The following ARHGEF12 variants were observed in gnomAD, a reference collection of about 807,000 sequenced individuals.
ARHGEF12 encodes Rho guanine nucleotide exchange factor 12, also known as KMT2A/ARHGEF12 fusion protein.
In ARHGEF12, 66 loss-of-function variants were observed where a neutral mutation model predicts 211.2. That is an observed-to-expected ratio of 0.31 (90% CI 0.26 to 0.38). The LOEUF (loss-of-function observed/expected upper bound fraction) is 0.38. Ranked by LOEUF, ARHGEF12 falls within the 10% of genes least tolerant of loss-of-function variation. The pLI is 1.00. For missense variants in ARHGEF12, 1,429 were observed against 1,869.5 expected, an observed-to-expected ratio of 0.76 and a Z score of 4.34; for synonymous variants, 592 against 638.4, an observed-to-expected ratio of 0.93 and a Z score of 1.09.
chr11:120,428,056 TC>T lies in ARHGEF12; in HGVS notation c.407-9del. ...TTCCCTTCCCTTCCCTTTTTCCGTC[TC>T]CCCACCCCAAGCTGGTTCCTATGTA... On this transcript the variant is annotated splice_polypyrimidine_tract_variant and intron_variant, in intron 7 of 40. Transcript: ENST00000397843. 1 of 1,527,028 alleles carries T rather than the reference TC, an allele frequency of 6.5e-7. No homozygotes were observed. Among genetic ancestry groups the T allele is most frequent in the South Asian group, 1.3e-5 (1 of 75,178 alleles). 94.6% of individuals were successfully genotyped at this position (1,527,028 alleles called of 1,614,324 possible).
intron 34 of ARHGEF12, 158 bp from the exon 35 acceptor site, chr11:120,477,061 T>C (rs1484808780): frequency 1.5e-6 from 1 of 659,248 alleles, no homozygotes; most frequent in Non-Finnish European, 2.6e-6. Context: ...AAAATAAAGA[T>C]ATTCTCTGGC....
At chr11:120,426,164 A>G (rs1945340328) in intron 7 of ARHGEF12, among the ~76,000 whole-genome samples, 1 of 152,184 alleles carries the variant, frequency 6.6e-6, no homozygotes, top group Non-Finnish European at 1.5e-5. Context: ...TTTAATGAGA[A>G]TGTGATTTAT....
chr11:120,474,864 C>A (rs1412123006), intron 32 of ARHGEF12, among the ~76,000 whole-genome samples: 1 of 152,164 alleles, frequency 6.6e-6, no homozygotes, highest in Non-Finnish European at 1.5e-5. Flanking sequence ...CTATTTCCAT[C>A]ATTCTTATAG....
intron 6 of ARHGEF12, 74 bp from the exon 7 acceptor site, chr11:120,424,284 A>G: frequency 2.0e-6 from 2 of 1,010,204 alleles, no homozygotes; most frequent in East Asian, 2.4e-5. Context: ...ATTATGTATG[A>G]TAATTCTTGA....
intron 1 of ARHGEF12, among the ~76,000 whole-genome samples, chr11:120,382,247 C>T (rs143228828): frequency 1.6e-4 from 24 of 152,294 alleles, no homozygotes; most frequent in Middle Eastern, 6.8e-3. Flanking sequence ...GTTTAACTTT[C>T]GACTGCTTTT....
chr11:120,378,988 T>C lies in ARHGEF12; in HGVS notation c.33-27130T>C, dbSNP rs56789617. Reference sequence around the variant, plus strand: ...TTAGAGTCAGCATGTCAATTTCTATTTACAGAAAACAGGCTGAGATTTTGT... The same window carrying C: ...TTAGAGTCAGCATGTCAATTTCTATCTACAGAAAACAGGCTGAGATTTTGT... On this transcript the variant is annotated intron_variant, in intron 1 of 40. Transcript: ENST00000397843. 2.0e-3 allele frequency among the ~76,000 whole-genome samples: 305 copies of C among 152,266 alleles called. 1 individual carries two copies. The highest frequency in any genetic ancestry group is 6.9e-3 in the African/African-American group (285 of 41,574).
At chr11:120,351,447 ATATATATATTTTTTTTTTTT>A (rs1565420861) in intron 1 of ARHGEF12, among the ~76,000 whole-genome samples, 4 of 3,702 alleles carry the variant, frequency 1.1e-3, no homozygotes, top group Admixed American at 7.0e-3. Flanking sequence ...ATATATATAT[ATATATATATTTTTTTTTTTT>A]TTTTTTTTTT....
chr11:120,422,106 T>C (rs1408953760), intron 6 of ARHGEF12, among the ~76,000 whole-genome samples: 2 of 152,330 alleles, frequency 1.3e-5, no homozygotes, highest in African/African-American at 4.8e-5. Flanking sequence ...GTTGGAAAGA[T>C]CATTTCTGTC....
chr11:120,477,636 AGG>A (rs1187606421), intron 36 of ARHGEF12, 110 bp downstream of exon 36: 2 of 989,600 alleles, frequency 2.0e-6, no homozygotes, highest in Non-Finnish European at 3.0e-6. Flanking sequence ...AGGTCGAGAT[AGG>A]CGTATCACCT....
Position 120,337,151 on chromosome 11 carries a change from G to A in ARHGEF12, c.-93G>A. The A allele has an allele frequency of 6.7e-7, 1 of 1,491,006 alleles. No homozygotes were observed. Among genetic ancestry groups the A allele is most frequent in the Non-Finnish European group, 9.4e-7 (1 of 1,068,578 alleles). 92.4% of individuals were successfully genotyped at this position (1,491,006 alleles called of 1,614,324 possible). A position where few individuals can be genotyped will look rare whatever the true frequency, so the allele number is the denominator to read the frequency against. ...GTTGGACTTTTGTGTCCCTGACGGA[G>A]TTGGGCCTGATCCCAGAGCACTGGG... On this transcript the variant is annotated 5_prime_UTR_variant, in exon 1 of 41. Transcript: ENST00000397843.
intron 2 of ARHGEF12, 102 bp downstream of exon 2, chr11:120,406,243 G>T: frequency 2.8e-6 from 2 of 702,926 alleles, no homozygotes; most frequent in Non-Finnish European, 2.2e-6. Flanking sequence ...TTGAGAATGT[G>T]TATTCAAGTA....
intron 1 of ARHGEF12, among the ~76,000 whole-genome samples, chr11:120,379,990 A>G (rs12420378): frequency 0.46 from 70,117 of 151,924 alleles, 17,070 homozygotes; most frequent in African/African-American, 0.62. Context: ...GGGAAGTGTC[A>G]TGTGTTTTCA....
chr11:120,400,129 A>T (rs908264472), intron 1 of ARHGEF12, among the ~76,000 whole-genome samples: 1 of 152,092 alleles, frequency 6.6e-6, no homozygotes, highest in African/African-American at 2.4e-5. Context: ...CAGTTTATAG[A>T]TTGTTAAACA....
At chr11:120,338,349 G>T (rs1199383708) in intron 1 of ARHGEF12, among the ~76,000 whole-genome samples, 1 of 152,152 alleles carries the variant, frequency 6.6e-6, no homozygotes, top group Admixed American at 6.5e-5. Flanking sequence ...TTACCCAATT[G>T]TAAGACTCAT....
rs150147446 is a variant in ARHGEF12, at chr11:120,455,741, A to T, written c.2057-1377A>T. ...CTGCTCCAGATTGGAACACAAGAAC[A>T]TCACAGATAAGAAAATGGGGATTTT... On this transcript the variant is annotated intron_variant, in intron 22 of 40. Transcript: ENST00000397843. 4.0e-3 allele frequency among the ~76,000 whole-genome samples: 615 copies of T among 152,366 alleles called. 4 individuals carry two copies. Among genetic ancestry groups the T allele is most frequent in the Non-Finnish European group, 5.8e-3 (393 of 68,020 alleles).
rs762174089 is a variant in ARHGEF12 at position 120,424,346 on chromosome 11, G to A, written c.349-12G>A. On this transcript the variant is annotated splice_polypyrimidine_tract_variant and intron_variant, in intron 6 of 40. Coordinates refer to ENST00000397843, the MANE Select transcript of ARHGEF12 (RefSeq NM_015313.3). ...AATGTATCTGACATACACTACTTTC[G>A]TTTTCTTACAGGTGAATGGAACTCT... is the stretch of plus-strand genomic sequence containing the variant. 2.2e-5 allele frequency: 36 copies of A among 1,608,950 alleles called. No homozygotes were observed. In the African/African-American group the frequency reaches 2.7e-4, roughly 12 times the overall value.
chr11:120,339,331 A>T (rs751432954), intron 1 of ARHGEF12, among the ~76,000 whole-genome samples: 3 of 152,104 alleles, frequency 2.0e-5, no homozygotes, highest in Non-Finnish European at 4.4e-5. Flanking sequence ...TAATATGAAT[A>T]TATGTTGGGG....
chr11:120,475,590 A>G lies in ARHGEF12; in HGVS notation c.3277+83A>G, dbSNP rs955544275. 2.9e-5 allele frequency: 39 copies of G among 1,344,634 alleles called. No individual in the cohort carries two copies. In the Middle Eastern group the frequency reaches 1.7e-3, roughly 58 times the overall value. The allele number at this position is 1,344,634 out of a possible 1,614,324, so 83.3% of individuals were successfully genotyped here. ...TACTCGGTGCTGTCTCAATAACACA[A>G]GTGGCATAGAGTCTTGCTATTTTTA... On this transcript the variant is annotated intron_variant, in intron 33 of 40. Transcript: ENST00000397843.
rs749918216 is a variant in ARHGEF12, at chr11:120,409,464, G to A, written c.199+14G>A. 1.9e-6 allele frequency: 3 copies of A among 1,613,160 alleles called. No homozygotes were observed. Among genetic ancestry groups the A allele is most frequent in the South Asian group, 2.2e-5 (2 of 90,930 alleles). On this transcript the variant is annotated intron_variant, in intron 4 of 40. Coordinates refer to ENST00000397843, the MANE Select transcript of ARHGEF12 (RefSeq NM_015313.3). Reference sequence around the variant, plus strand: ...CCGAGATATATGGTAAGCTAATGTAGCTAATTCAGCCTTGCCCTTTGGAGC... The same window carrying A: ...CCGAGATATATGGTAAGCTAATGTAACTAATTCAGCCTTGCCCTTTGGAGC...
Sources: gnomAD v4.1 joint callset for allele counts (sites outside exome capture counted in the v4.1 genomes callset) on GRCh38, gnomAD v4.1.1 for gene constraint, MANE v1.5 for transcripts, NCBI Gene and HGNC (gene_info 2026-07-23, HGNC 2026-07-21) for gene names.